KCNJ1: variants seen among roughly 807,000 people sequenced by gnomAD.
The protein encoded by KCNJ1 is potassium inwardly rectifying channel subfamily J member 1.
KCNJ1 carries 24 observed loss-of-function variants against 21.9 expected under a neutral mutation model. That is an observed-to-expected ratio of 1.10 (90% CI 0.79 to 1.54). KCNJ1 has a LOEUF of 1.54. Among genes scored for constraint, KCNJ1 ranks in the 40% most tolerant of loss-of-function variants. KCNJ1 has a pLI of 0.00. For missense variants in KCNJ1, 457 were observed against 455.4 expected (o/e 1.00, Z -0.03); for synonymous variants, 152 against 160.9 (o/e 0.94, Z 0.42).
In KCNJ1 at chr11:128,839,149, A is replaced by G. The variant is rs1943221030; in HGVS notation, c.1095T>C (p.Asn365=). 1 of 1,614,012 alleles carries G rather than the reference A, an allele frequency of 6.2e-7. No individual in the cohort carries two copies. The highest frequency in any genetic ancestry group is 1.1e-5 in the South Asian group (1 of 91,076). Residue 365 remains asparagine, a synonymous_variant, in exon 3 of 3, where the codon AAT becomes AAC. Coordinates refer to ENST00000392666, the MANE Select transcript of KCNJ1 (RefSeq NM_153766.3). ...GTTACATTTTGGTGTCATCTGTTTC[A>G]TTGACTTCTGACAAGATGAAGTTGG... ...DNPNFILSEV[N]ETDDTKM
chr11:128,847,150 G>T (rs1450303701), intron 2 of KCNJ1, among the ~76,000 whole-genome samples: 1 of 152,112 alleles, frequency 6.6e-6, no homozygotes, highest in Non-Finnish European at 1.5e-5. Flanking sequence ...CCAGAGCAAA[G>T]CATTGCTTCC....
rs554108532 is a variant in KCNJ1, at chr11:128,840,279, A to C, written c.-21-15T>G. 6.2e-7 allele frequency: 1 copy of C among 1,613,628 alleles called. No individual in the cohort carries two copies. The highest frequency in any genetic ancestry group is 1.7e-5 in the Admixed American group (1 of 60,030). Reference sequence around the variant, plus strand: ...AACACCCTGATCTGAAAACACATCAAAGAAAAACAAAAAAGGATTATGTTT... The same window carrying C: ...AACACCCTGATCTGAAAACACATCACAGAAAAACAAAAAAGGATTATGTTT... On this transcript the variant is annotated splice_polypyrimidine_tract_variant and intron_variant, in intron 2 of 2. Coordinates refer to ENST00000392666, the MANE Select transcript of KCNJ1 (RefSeq NM_153766.3).
chr11:128,855,925 C>T (rs1441020468), intron 1 of KCNJ1, among the ~76,000 whole-genome samples: 9 of 152,318 alleles, frequency 5.9e-5, no homozygotes, highest in African/African-American at 1.4e-4. Context: ...GACCCAAGGA[C>T]GGTACCACTG....
In KCNJ1 at chr11:128,838,974, A is replaced by T. The variant is rs1943216193; in HGVS notation, c.*151T>A. The T allele has an allele frequency of 2.9e-6, 2 of 678,880 alleles. No homozygotes were observed. Among genetic ancestry groups the T allele is most frequent in the Non-Finnish European group, 5.1e-6 (2 of 388,562 alleles). The allele number at this position is 678,880 out of a possible 1,614,324, so 42.1% of individuals were successfully genotyped here. Reference sequence around the variant, plus strand: ...CTTGTGGAGATGCATGTCTTGTGGGATCACAATTGCGGGGCTCAGGGGTCT... The same window carrying T: ...CTTGTGGAGATGCATGTCTTGTGGGTTCACAATTGCGGGGCTCAGGGGTCT... On this transcript the variant is annotated 3_prime_UTR_variant, in exon 3 of 3. Coordinates refer to ENST00000392666, the MANE Select transcript of KCNJ1 (RefSeq NM_153766.3).
Position 128,839,402 on chromosome 11 carries a change from G to T in KCNJ1, c.842C>A (p.Thr281Lys). 1.2e-6 allele frequency: 2 copies of T among 1,614,182 alleles called. No homozygotes were observed. The highest frequency in any genetic ancestry group is 1.7e-6 in the Non-Finnish European group (2 of 1,180,034). Residue 281 changes from threonine to lysine, a missense_variant, in exon 3 of 3, where the codon ACA becomes AAA. Coordinates refer to ENST00000392666, the MANE Select transcript of KCNJ1 (RefSeq NM_153766.3). The stretch of plus-strand genomic sequence containing the variant: ...GCAGGTAGCACTGGTGGACTCCACT[G>T]TGCCATCTAAAAACACCACTAATTC... Reference protein sequence around the residue: ...DFELVVFLDGTVESTSATCQV... With the variant: ...DFELVVFLDGKVESTSATCQV...
intron 1 of KCNJ1, among the ~76,000 whole-genome samples, chr11:128,862,628 C>T (rs975455883): frequency 1.3e-5 from 2 of 152,234 alleles, no homozygotes; most frequent in African/African-American, 2.4e-5. Flanking sequence ...GCCATCCCTA[C>T]TCATCCCCTC....
At chr11:128,853,244 A>C (rs1407700297) in intron 1 of KCNJ1, among the ~76,000 whole-genome samples, 1 of 152,254 alleles carries the variant, frequency 6.6e-6, no homozygotes, top group East Asian at 1.9e-4. Context: ...TAATAGCCAA[A>C]GAGTGGAAGC....
intron 2 of KCNJ1, among the ~76,000 whole-genome samples, chr11:128,848,416 T>C (rs1275279310): frequency 3.3e-5 from 5 of 151,998 alleles, no homozygotes; most frequent in Admixed American, 3.3e-4. Context: ...GGTCTTGAAC[T>C]CCTGGCCTCA....
At chr11:128,856,240 G>T (rs1943587705) in intron 1 of KCNJ1, among the ~76,000 whole-genome samples, 1 of 130,964 alleles carries the variant, frequency 7.6e-6, no homozygotes, top group African/African-American at 2.7e-5. Flanking sequence ...ATTGCCCATG[G>T]AATGATGAGA....
chr11:128,842,445 G>C (rs747911084), intron 2 of KCNJ1: 8 of 1,613,704 alleles, frequency 5.0e-6, no homozygotes, highest in Non-Finnish European at 6.8e-6. Flanking sequence ...AAGTGGTGCT[G>C]GTTGTTGGTC....
At chr11:128,855,478 A>G (rs140106169) in intron 1 of KCNJ1, among the ~76,000 whole-genome samples, 3 of 152,240 alleles carry the variant, frequency 2.0e-5, no homozygotes, top group South Asian at 4.1e-4. Flanking sequence ...AGCTGTGATC[A>G]GCATTAAGAT....
Position 128,848,516 on chromosome 11 carries a change from G to A in KCNJ1, c.-22+2205C>T, listed in dbSNP as rs77620068. On this transcript the variant is annotated intron_variant, in intron 2 of 2. Coordinates refer to ENST00000392666, the MANE Select transcript of KCNJ1 (RefSeq NM_153766.3). ...CTCTGTATTTCCAATATTGTTTCCTGTTGTTCTTCATAATAGTTTCTTAAG... is the reference window on the plus strand; with the variant it reads ...CTCTGTATTTCCAATATTGTTTCCTATTGTTCTTCATAATAGTTTCTTAAG... 6.5e-3 allele frequency among the ~76,000 whole-genome samples: 984 copies of A among 152,162 alleles called. 3 individuals carry two copies. Among genetic ancestry groups the A allele is most frequent in the African/African-American group, 0.022 (914 of 41,516 alleles).
At chr11:128,844,320 G>T (rs1208844688) in intron 2 of KCNJ1, among the ~76,000 whole-genome samples, 1 of 152,150 alleles carries the variant, frequency 6.6e-6, no homozygotes, top group Admixed American at 6.5e-5. Flanking sequence ...TGAGACACTG[G>T]GCTGCAAAGG....
chr11:128,839,160 A>T lies in KCNJ1; in HGVS notation c.1084T>A (p.Ser362Thr). 1 of 1,614,128 alleles carries T rather than the reference A, an allele frequency of 6.2e-7. No homozygotes were observed. The highest frequency in any genetic ancestry group is 1.1e-5 in the South Asian group (1 of 91,072). Residue 362 changes from serine (S) to threonine (T), a missense_variant, in exon 3 of 3, where the codon TCA becomes ACA. Physicochemically the swap from Ser to Thr is moderately conservative, Grantham distance 58. Transcript: ENST00000392666. ...GTGTCATCTGTTTCATTGACTTCTG[A>T]CAAGATGAAGTTGGGGTTGTCATAG... ...RGYDNPNFIL[S>T]EVNETDDTKM
At chr11:128,851,451 G>A (rs552013453) in intron 1 of KCNJ1, among the ~76,000 whole-genome samples, 1 of 152,332 alleles carries the variant, frequency 6.6e-6, no homozygotes, top group East Asian at 1.9e-4. Context: ...GTGTTGAGGA[G>A]GAGATGGTTG....
At position 128,839,009 on chromosome 11, in the gene KCNJ1, T is replaced by A. The variant is rs1451691943; in HGVS notation, c.*116A>T. 1.1e-6 allele frequency: 1 copy of A among 882,554 alleles called. No individual in the cohort carries two copies. Among genetic ancestry groups the A allele is most frequent in the African/African-American group, 1.7e-5 (1 of 60,412 alleles). The allele number at this position is 882,554 out of a possible 1,614,324, so 54.7% of individuals were successfully genotyped here. On this transcript the variant is annotated 3_prime_UTR_variant, in exon 3 of 3. Transcript: ENST00000392666. Reference sequence around the variant, plus strand: ...CGGGGCTCAGGGGTCTTTGTGCTGGTAGACTTTGAAGGCTCTCATCCTACT... The same window carrying A: ...CGGGGCTCAGGGGTCTTTGTGCTGGAAGACTTTGAAGGCTCTCATCCTACT...
chr11:128,845,214 T>G (rs564782442), intron 2 of KCNJ1, among the ~76,000 whole-genome samples: 116 of 152,356 alleles, frequency 7.6e-4, no homozygotes, highest in African/African-American at 2.7e-3. Context: ...TACCAGGTGC[T>G]ATGCTAGGAA....
intron 1 of KCNJ1, among the ~76,000 whole-genome samples, chr11:128,857,110 C>A (rs544368836): frequency 6.6e-6 from 1 of 152,150 alleles, no homozygotes; most frequent in Non-Finnish European, 1.5e-5. Flanking sequence ...CTGCAATGTG[C>A]GGCGCAGCTC....
chr11:128,854,176 AG>A (rs1943537872), intron 1 of KCNJ1, among the ~76,000 whole-genome samples: 1 of 152,184 alleles, frequency 6.6e-6, no homozygotes, highest in Admixed American at 6.5e-5. Flanking sequence ...GTGGGATGGG[AG>A]GAAACTCACA....
Sources: gnomAD v4.1 joint callset for allele counts (sites outside exome capture counted in the v4.1 genomes callset) on GRCh38, gnomAD v4.1.1 for gene constraint, MANE v1.5 for transcripts, NCBI Gene and HGNC (gene_info 2026-07-23, HGNC 2026-07-21) for gene names.